COL12A1: variants seen among roughly 807,000 people sequenced by gnomAD.
COL12A1 encodes collagen type XII alpha 1 chain.
In COL12A1, 114 loss-of-function variants were observed where a neutral mutation model predicts 349.7. That is an observed-to-expected ratio of 0.33 (90% CI 0.28 to 0.38). The LOEUF is 0.38. COL12A1 is among the 10% of genes least tolerant of loss of function. COL12A1 has a pLI of 1.00. For missense variants in COL12A1, 3,284 were observed against 3,756.9 expected (o/e 0.87, Z 3.29); for synonymous variants, 1,369 against 1,329.0 (o/e 1.03, Z -0.66).
chr6:75,168,743 G>A (rs2149443141), intron 13 of COL12A1, among the ~76,000 whole-genome samples: 1 of 152,206 alleles, frequency 6.6e-6, no homozygotes, highest in East Asian at 1.9e-4. Context: ...CCTCTCTGAG[G>A]TCTAGAGAAG....
chr6:75,134,088 A>T, intron 32 of COL12A1, 91 bp from the exon 33 acceptor site: 5 of 1,389,908 alleles, frequency 3.6e-6, no homozygotes, highest in Non-Finnish European at 4.9e-6. Context: ...GGCACCCTAG[A>T]ACATAGCAGG....
Position 75,192,334 on chromosome 6 carries a change from G to A in COL12A1, c.212C>T (p.Thr71Ile). 6.2e-7 allele frequency: 1 copy of A among 1,610,810 alleles called. No individual in the cohort carries two copies. Among genetic ancestry groups the A allele is most frequent in the Non-Finnish European group, 8.5e-7 (1 of 1,178,404 alleles). Residue 71 changes from threonine (T) to isoleucine (I), a missense_variant, in exon 4 of 66, where the codon ACC (threonine) becomes ATC (isoleucine). By Grantham distance (89) the Thr-to-Ile change is moderately conservative. This residue lies in a region of COL12A1 where 2,601 missense variants were observed against 2,824.8 expected (regional missense o/e 0.92). Transcript: ENST00000322507. ...AGTTTCAGTGGTACTAGCTGAAAGG[G>A]TAAATTCTTTAGTAGGCCCATCTGG... ...PTTDGPTKEF[T>I]LSASTTETLL...
intron 13 of COL12A1, among the ~76,000 whole-genome samples, chr6:75,167,562 A>G (rs1351236402): frequency 6.6e-6 from 1 of 152,186 alleles, no homozygotes; most frequent in East Asian, 1.9e-4. Context: ...TTTGCTTCTC[A>G]ACCTATTTTT....
intron 8 of COL12A1, 136 bp downstream of exon 8, chr6:75,188,226 A>G (rs1259611975): frequency 4.9e-5 from 45 of 914,796 alleles, no homozygotes; most frequent in Admixed American, 6.8e-5. Flanking sequence ...GTTGCTAAAA[A>G]ACAATACAGT....
intron 21 of COL12A1, among the ~76,000 whole-genome samples, chr6:75,150,245 C>T (rs1030344201): frequency 6.6e-6 from 1 of 152,050 alleles, no homozygotes; most frequent in African/African-American, 2.4e-5. Flanking sequence ...TTCAAAAAAC[C>T]TTCAAATTTG....
intron 8 of COL12A1, among the ~76,000 whole-genome samples, chr6:75,184,543 T>C (rs1769505870): frequency 6.6e-6 from 1 of 152,224 alleles, no homozygotes; most frequent in African/African-American, 2.4e-5. Flanking sequence ...AGGGAATTTT[T>C]CTCTCTTAAT....
chr6:75,153,437 T>C (rs1767591130), intron 17 of COL12A1, among the ~76,000 whole-genome samples: 1 of 152,130 alleles, frequency 6.6e-6, no homozygotes, highest in South Asian at 2.1e-4. Context: ...CTTGATTTTG[T>C]CCACATCCAT....
intron 7 of COL12A1, 35 bp from the exon 8 acceptor site, chr6:75,188,570 G>C: frequency 6.3e-7 from 1 of 1,597,684 alleles, no homozygotes; most frequent in Non-Finnish European, 8.5e-7. Context: ...TATTGAAATG[G>C]GAAATGTGCC....
Position 75,177,501 on chromosome 6 carries a change from T to TA in COL12A1, c.2437+161dup, listed in dbSNP as rs113654274. Among the ~76,000 whole-genome samples, 152 of 150,888 alleles carry TA rather than the reference T, an allele frequency of 1.0e-3. 1 individual carries two copies. Among genetic ancestry groups the TA allele is most frequent in the African/African-American group, 3.1e-3 (128 of 41,210 alleles). The stretch of plus-strand genomic sequence containing the variant: ...ACAAGTAAATAATGTCATGATTAAG[T>TA]AAAAAAAAAATTTTAACTTAAATCT... On this transcript the variant is annotated intron_variant, in intron 12 of 65. Transcript: ENST00000322507.
rs1768908267 is a variant in COL12A1 at position 75,112,965 on chromosome 6, A to G, written c.7950+239T>C. 6 of 258,052 alleles carry G rather than the reference A, an allele frequency of 2.3e-5. No homozygotes were observed. The South Asian group carries it at 4.0e-4, about 17-fold the overall frequency. 16.0% of individuals were successfully genotyped at this position (258,052 alleles called of 1,614,324 possible). On this transcript the variant is annotated intron_variant, in intron 51 of 65. Coordinates refer to ENST00000322507, the MANE Select transcript of COL12A1 (RefSeq NM_004370.6). The stretch of plus-strand genomic sequence containing the variant: ...GGTGGATAATGTTATATATAGTATG[A>G]TTCAAATTTTAAAAAGAAATAAGCA...
At chr6:75,096,853 G>A (rs933582094) in intron 59 of COL12A1, among the ~76,000 whole-genome samples, 1 of 130,454 alleles carries the variant, frequency 7.7e-6, no homozygotes, top group Admixed American at 9.5e-5. Flanking sequence ...CCGAGATCCC[G>A]CCACTGCACT....
chr6:75,179,241 C>T (rs1396450595), intron 11 of COL12A1, among the ~76,000 whole-genome samples: 1 of 152,172 alleles, frequency 6.6e-6, no homozygotes. Flanking sequence ...CTTTACCAAA[C>T]TCCATTGTAG....
At chr6:75,108,514 G>A (rs1451274947) in intron 52 of COL12A1, among the ~76,000 whole-genome samples, 2 of 152,162 alleles carry the variant, frequency 1.3e-5, no homozygotes, top group African/African-American at 4.8e-5. Flanking sequence ...GATAGTGAAA[G>A]TTGTGAGTAA....
rs374279219 is a variant in COL12A1 at position 75,151,298 on chromosome 6, G to A, written c.4001-11C>T. ...CAGCATTTTTAATACCTTCAAAAAC[G>A]GATATATACAAATTAAAAGCACTTC... On this transcript the variant is annotated splice_polypyrimidine_tract_variant and intron_variant, in intron 20 of 65. Coordinates refer to ENST00000322507, the MANE Select transcript of COL12A1 (RefSeq NM_004370.6). 114 of 1,604,860 alleles carry A rather than the reference G, an allele frequency of 7.1e-5. No individual in the cohort carries two copies. The highest frequency in any genetic ancestry group is 7.8e-5 in the South Asian group (7 of 89,632).
chr6:75,095,003 A>G, intron 60 of COL12A1, 105 bp downstream of exon 60: 1 of 1,010,524 alleles, frequency 9.9e-7, no homozygotes, highest in South Asian at 1.7e-5. Flanking sequence ...AATGCTTCAA[A>G]CACATTACAG....
intron 58 of COL12A1, among the ~76,000 whole-genome samples, chr6:75,099,145 A>T (rs1461888255): frequency 6.6e-6 from 1 of 152,226 alleles, no homozygotes; most frequent in Admixed American, 6.5e-5. Flanking sequence ...CACACTTTTT[A>T]TTAGTACATT....
chr6:75,131,076 T>C, intron 35 of COL12A1, 95 bp from the exon 36 acceptor site: 2 of 1,526,958 alleles, frequency 1.3e-6, no homozygotes, highest in Non-Finnish European at 1.8e-6. Context: ...TAATAAAATG[T>C]TGAGCCCAGA....
At position 75,175,110 on chromosome 6, in the gene COL12A1, C is replaced by A; in HGVS notation, c.2638G>T (p.Ala880Ser). ...GCATACAAGGCTGTCACAGATAAGG[C>A]GTATTGTGTCCCTTCCTTCAATCCC... Reference protein sequence around the residue: ...LQGLKEGTQYALSVTALYASG... With the variant: ...LQGLKEGTQYSLSVTALYASG... Residue 880 changes from alanine to serine, a missense_variant, in exon 13 of 66, where the codon GCC becomes TCC. Ala to Ser is a moderately conservative substitution (Grantham distance 99). Coordinates refer to ENST00000322507, the MANE Select transcript of COL12A1 (RefSeq NM_004370.6). 1.2e-6 allele frequency: 2 copies of A among 1,614,152 alleles called. No homozygotes were observed. The highest frequency in any genetic ancestry group is 1.7e-6 in the Non-Finnish European group (2 of 1,180,034).
intron 2 of COL12A1, among the ~76,000 whole-genome samples, chr6:75,197,922 T>C (rs138096517): frequency 6.6e-6 from 1 of 152,352 alleles, no homozygotes; most frequent in African/African-American, 2.4e-5. Context: ...GGAATGATAA[T>C]AATAGCTGAA....
Sources: gnomAD v4.1 joint callset for allele counts (sites outside exome capture counted in the v4.1 genomes callset) on GRCh38, gnomAD v4.1.1 for gene constraint, gnomAD v4.1.1 regional missense constraint, MANE v1.5 for transcripts, NCBI Gene and HGNC (gene_info 2026-07-23, HGNC 2026-07-21) for gene names.